The following AHNAK variants were observed in gnomAD, a reference collection of about 807,000 sequenced individuals.
AHNAK encodes the protein AHNAK nucleoprotein.
In AHNAK, 23 loss-of-function variants were observed where a neutral mutation model predicts 37.8. That is an observed-to-expected ratio of 0.61 (90% CI 0.44 to 0.86). The LOEUF (loss-of-function observed/expected upper bound fraction) is 0.86, where lower values mean the gene tolerates loss of function less well. Among genes scored for constraint, AHNAK ranks in the 40% least tolerant of loss-of-function variants. AHNAK has a pLI of 0.00. For missense variants in AHNAK, 7,411 were observed against 7,319.4 expected (o/e 1.01, Z -0.46); for synonymous variants, 2,481 against 2,636.3 (o/e 0.94, Z 1.80).
chr11:62,513,679 A>G (rs1475547634), downstream of AHNAK, among the ~76,000 whole-genome samples: 5 of 152,214 alleles, frequency 3.3e-5, no homozygotes, highest in East Asian at 1.9e-4. Context: ...GTCTCCTCCC[A>G]TGCCGTCGCT....
chr11:62,445,790 C>T (rs1382290836), intron 5 of AHNAK, among the ~76,000 whole-genome samples: 1 of 151,760 alleles, frequency 6.6e-6, no homozygotes, highest in Non-Finnish European at 1.5e-5. Flanking sequence ...GCTGAGGCAG[C>T]CAAATCACCT....
chr11:62,486,212 C>T (rs536065120), intron 5 of AHNAK, among the ~76,000 whole-genome samples: 4 of 152,024 alleles, frequency 2.6e-5, no homozygotes, highest in Admixed American at 2.6e-4. Context: ...TGGTGGCTCA[C>T]GCCTGTAATC....
intron 5 of AHNAK, among the ~76,000 whole-genome samples, chr11:62,491,087 A>G (rs1449160225): frequency 6.6e-6 from 1 of 152,092 alleles, no homozygotes; most frequent in Non-Finnish European, 1.5e-5. Flanking sequence ...ATGCCCAGCC[A>G]GTCTCCTGAT....
In AHNAK at chr11:62,536,111, G is replaced by A. The variant is rs745538651; in HGVS notation, c.1-13C>T. ...CCTCCTTCTCCATCTGGAATGAGGT[G>A]AGGAAATGGAACTGGGGTCAGTGGG... On this transcript the variant is annotated splice_polypyrimidine_tract_variant and intron_variant, in intron 2 of 4. Coordinates refer to ENST00000378024, the MANE Select transcript of AHNAK (RefSeq NM_001620.3). The A allele has an allele frequency of 1.3e-5, 21 of 1,557,652 alleles. No homozygotes were observed. Among genetic ancestry groups the A allele is most frequent in the Admixed American group, 9.1e-5 (5 of 55,004 alleles).
Position 62,529,059 on chromosome 11 carries a change from C to T in AHNAK, c.5358G>A (p.Val1786=), listed in dbSNP as rs1254462298. Residue 1786 remains valine (V), a synonymous_variant, in exon 5 of 5, where the codon GTG becomes GTA. Coordinates refer to ENST00000378024, the MANE Select transcript of AHNAK (RefSeq NM_001620.3). ...IKAPKVSMPD[V]DLNLKGPKLK... is the part of the protein sequence containing the mutation. ...GTTTGGGTCCCTTCAAATTCAAGTC[C>T]ACATCTGGCATGGAGACCTTGGGAG... 8.1e-6 allele frequency: 13 copies of T among 1,614,068 alleles called. No homozygotes were observed. The highest frequency in any genetic ancestry group is 1.1e-5 in the Non-Finnish European group (13 of 1,180,040).
intron 5 of AHNAK, among the ~76,000 whole-genome samples, chr11:62,484,485 T>C (rs1012209701): frequency 2.0e-5 from 3 of 151,958 alleles, no homozygotes; most frequent in Non-Finnish European, 4.4e-5. Flanking sequence ...TCTTGCGAGG[T>C]GACATTATAA....
intron 5 of AHNAK, among the ~76,000 whole-genome samples, chr11:62,451,337 G>T (rs1389628515): frequency 6.6e-6 from 1 of 150,952 alleles, no homozygotes; most frequent in Non-Finnish European, 1.5e-5. Context: ...CTCGCCCTAT[G>T]TCCACTCTAG....
chr11:62,528,998 C>G lies in AHNAK; in HGVS notation c.5419G>C (p.Glu1807Gln). Residue 1807 changes from glutamate to glutamine, a missense_variant, in exon 5 of 5, where the codon GAA (glutamate) becomes CAA (glutamine). Physicochemically the swap from Glu to Gln is conservative, Grantham distance 29 (BLOSUM62 2). Transcript: ENST00000378024. ...ACTTGCGGCCCTCTGAGATCACCTT[C>G]CAGTTCTGGCACAGAAGCATCTATC... is the stretch of plus-strand genomic sequence containing the variant. ...GEIDASVPEL[E>Q]GDLRGPQVDV... 3.7e-6 allele frequency: 6 copies of G among 1,614,226 alleles called. No individual in the cohort carries two copies. Among genetic ancestry groups the G allele is most frequent in the Non-Finnish European group, 5.1e-6 (6 of 1,180,038 alleles).
At chr11:62,467,211 T>A (rs1369731119) in intron 5 of AHNAK, among the ~76,000 whole-genome samples, 1 of 137,946 alleles carries the variant, frequency 7.2e-6, no homozygotes, top group Non-Finnish European at 1.5e-5. Context: ...GATCCTGTCT[T>A]AAAAAAAAAA....
In AHNAK at chr11:62,527,644, C is replaced by A; in HGVS notation, c.6773G>T (p.Gly2258Val). The A allele has an allele frequency of 6.2e-7, 1 of 1,613,358 alleles. No individual in the cohort carries two copies. Among genetic ancestry groups the A allele is most frequent in the Non-Finnish European group, 8.5e-7 (1 of 1,179,776 alleles). ...MPKFSMPGFKGEGPEVDVNLP... is the reference protein window; with the variant it reads ...MPKFSMPGFKVEGPEVDVNLP... ...GTTCACATCCACTTCTGGGCCCTCT[C>A]CTTTGAAGCCAGGCATGCTGAACTT... Residue 2258 changes from glycine (G) to valine (V), a missense_variant, in exon 5 of 5, where the codon GGA becomes GTA. Transcript: ENST00000378024.
At chr11:62,463,697 G>A (rs1238917767) in intron 5 of AHNAK, among the ~76,000 whole-genome samples, 3 of 152,080 alleles carry the variant, frequency 2.0e-5, no homozygotes, top group African/African-American at 4.8e-5. Context: ...GGAACTTGCT[G>A]GGTTTTTGGT....
At chr11:62,488,503 G>C (rs962243399) in intron 5 of AHNAK, among the ~76,000 whole-genome samples, 1 of 151,110 alleles carries the variant, frequency 6.6e-6, no homozygotes, top group Non-Finnish European at 1.5e-5. Context: ...CTGGGTTCAA[G>C]CAATTCTCCT....
chr11:62,536,403 C>G (rs1438130376), intron 2 of AHNAK, 66 bp downstream of exon 2: 1 of 300,698 alleles, frequency 3.3e-6, no homozygotes, highest in Non-Finnish European at 6.2e-6. Flanking sequence ...GCCTCCCATC[C>G]ACACAGGGCC....
At chr11:62,491,685 A>T in intron 5 of AHNAK, 1 of 1,521,254 alleles carries the variant, frequency 6.6e-7, no homozygotes, top group Admixed American at 1.9e-5. Context: ...GGGTATCATT[A>T]TCATAATCAA....
chr11:62,518,238 G>A lies in AHNAK; in HGVS notation c.16179C>T (p.Ser5393=), dbSNP rs1218145461. ...PKVSVGAPDL[S]LEASEGSIKL... Reference sequence around the variant, plus strand: ...TAATGCTGCCTTCGGATGCCTCCAAGCTTAGATCAGGAGCTCCTACGGATA... The same window carrying A: ...TAATGCTGCCTTCGGATGCCTCCAAACTTAGATCAGGAGCTCCTACGGATA... Residue 5393 remains serine (S), a synonymous_variant, in exon 5 of 5, where the codon AGC becomes AGT. Coordinates refer to ENST00000378024, the MANE Select transcript of AHNAK (RefSeq NM_001620.3). 2.5e-6 allele frequency: 4 copies of A among 1,614,160 alleles called. No homozygotes were observed. In the East Asian group the frequency reaches 8.9e-5, roughly 36 times the overall value.
rs990073737 is a variant in AHNAK at position 62,520,170 on chromosome 11, G to T, written c.14247C>A (p.Asp4749Glu). 1.2e-6 allele frequency: 2 copies of T among 1,613,186 alleles called. No homozygotes were observed. The highest frequency in any genetic ancestry group is 2.2e-5 in the South Asian group (2 of 91,032). ...VDVTLPKVEG[D>E]LKGPEADIKG... ...TGATGTCAGCTTCTGGGCCCTTGAGGTCACCTTCCACTTTAGGAAGGGTAA... is the reference window on the plus strand; with the variant it reads ...TGATGTCAGCTTCTGGGCCCTTGAGTTCACCTTCCACTTTAGGAAGGGTAA... The change falls in exon 5 of 5, where the codon GAC becomes GAA. Residue 4749 changes from aspartate to glutamate, a missense_variant. Transcript: ENST00000378024.
At position 62,531,918 on chromosome 11, in the gene AHNAK, C is replaced by T; in HGVS notation, c.2499G>A (p.Lys833=). ...VDLHLKGPNV[K]GEYDVTMPKV... is the part of the protein sequence containing the mutation. ...TTGGCATTGTGACATCATATTCTCC[C>T]TTTACGTTAGGGCCTTTCAGATGTA... The change falls in exon 5 of 5, where the codon AAG becomes AAA. Residue 833 remains lysine, a synonymous_variant. Transcript: ENST00000378024. 1 of 1,613,598 alleles carries T rather than the reference C, an allele frequency of 6.2e-7. No homozygotes were observed. The highest frequency in any genetic ancestry group is 8.5e-7 in the Non-Finnish European group (1 of 1,179,928).
chr11:62,488,952 C>T (rs1939447766), intron 5 of AHNAK, among the ~76,000 whole-genome samples: 1 of 151,878 alleles, frequency 6.6e-6, no homozygotes, highest in Non-Finnish European at 1.5e-5. Flanking sequence ...AATAAAGACA[C>T]AGGAGCGGCC....
intron 5 of AHNAK, among the ~76,000 whole-genome samples, chr11:62,442,649 T>G (rs1183573203): frequency 6.6e-6 from 1 of 152,076 alleles, no homozygotes; most frequent in Non-Finnish European, 1.5e-5. Context: ...GGCAGGCGGA[T>G]CACCTGAGGT....
Sources: gnomAD v4.1 joint callset for allele counts (sites outside exome capture counted in the v4.1 genomes callset) on GRCh38, gnomAD v4.1.1 for gene constraint, MANE v1.5 for transcripts, NCBI Gene and HGNC (gene_info 2026-07-23, HGNC 2026-07-21) for gene names.